Variants in TUBD1 observed in about 807,000 individuals in gnomAD.
TUBD1 encodes tubulin delta 1, also known as tubulin delta chain.
Under a neutral mutation model 51.2 loss-of-function variants are expected in TUBD1, and 38 were observed. The observed-to-expected ratio is 0.74, with a 90% CI of 0.57 to 0.97. The LOEUF (loss-of-function observed/expected upper bound fraction) is 0.97. Ranked by LOEUF, TUBD1 falls within the 50% of genes least tolerant of loss-of-function variation. TUBD1 has a pLI of 0.00. For synonymous variants in TUBD1, 169 were observed against 178.2 expected, an observed-to-expected ratio of 0.95 and a Z score of 0.41; for missense variants, 489 against 538.4, an observed-to-expected ratio of 0.91 and a Z score of 0.91.
intron 3 of TUBD1, among the ~76,000 whole-genome samples, chr17:59,883,083 C>T (rs562470944): frequency 6.6e-6 from 1 of 151,948 alleles, no homozygotes; most frequent in Admixed American, 6.6e-5. Context: ...CCATACCCAG[C>T]CGCCCGGCTA....
chr17:59,873,247 T>TG lies in TUBD1; in HGVS notation c.934+1291_934+1292insC, dbSNP rs1259852865. ...CATACCAGACATTACTTAAGTTGTT[T>TG]TTTGTTGTTGTTTTTTTTTTGAGAA... On this transcript the variant is annotated intron_variant, in intron 6 of 8. Transcript: ENST00000325752. 3.7e-5 allele frequency among the ~76,000 whole-genome samples: 5 copies of TG among 134,320 alleles called. No homozygotes were observed. In the East Asian group the frequency reaches 1.2e-3, roughly 31 times the overall value. 88.1% of individuals were successfully genotyped at this position (134,320 alleles called of 152,430 possible). A position where few individuals can be genotyped will look rare whatever the true frequency, so the allele number is the denominator to read the frequency against.
rs1427064377 is a variant in TUBD1, at chr17:59,860,217, C to T, written c.*105G>A. ...TTTTCTGGTAGAGACGGTGTTTCAC[C>T]GTGTTAGCCAGGATGGAGAACTTTG... On this transcript the variant is annotated 3_prime_UTR_variant, in exon 9 of 9. Transcript: ENST00000325752. The T allele has an allele frequency of 3.6e-6, 3 of 827,186 alleles. No individual in the cohort carries two copies. Among genetic ancestry groups the T allele is most frequent in the African/African-American group, 3.6e-5 (2 of 56,318 alleles). The allele number at this position is 827,186 out of a possible 1,614,324, so 51.2% of individuals were successfully genotyped here.
intron 8 of TUBD1, among the ~76,000 whole-genome samples, chr17:59,862,813 C>A (rs1205525200): frequency 1.3e-5 from 2 of 150,144 alleles, no homozygotes; most frequent in Non-Finnish European, 3.0e-5. Flanking sequence ...CAAGCTCCGC[C>A]TCCCGGGTTC....
intron 8 of TUBD1, among the ~76,000 whole-genome samples, chr17:59,861,223 T>C (rs1418974947): frequency 6.6e-6 from 1 of 151,372 alleles, no homozygotes; most frequent in Admixed American, 6.6e-5. Flanking sequence ...GACAGGGTTT[T>C]GCTCTGTCTC....
intron 1 of TUBD1, among the ~76,000 whole-genome samples, chr17:59,892,190 A>C (rs2041119695): frequency 6.6e-6 from 1 of 152,130 alleles, no homozygotes; most frequent in Non-Finnish European, 1.5e-5. Flanking sequence ...TGTAAGAAAG[A>C]TTTTGTGTTT....
Position 59,874,720 on chromosome 17 carries a change from AT to A in TUBD1, c.770-18del, listed in dbSNP as rs1408637363. ...TTAAGTCTCCTGTAAAGAAAAAAAA[AT>A]CTGAACTAATTTTTTTTTATTCTAC... is the stretch of plus-strand genomic sequence containing the variant. On this transcript the variant is annotated intron_variant, in intron 5 of 8. Transcript: ENST00000325752. 2.5e-6 allele frequency: 4 copies of A among 1,595,332 alleles called. No individual in the cohort carries two copies. The African/African-American group carries it at 4.1e-5, about 16-fold the overall frequency.
chr17:59,867,825 G>T (rs997603915), intron 6 of TUBD1, among the ~76,000 whole-genome samples: 1 of 152,052 alleles, frequency 6.6e-6, no homozygotes, highest in Non-Finnish European at 1.5e-5. Flanking sequence ...ACAGCGCAGA[G>T]AACAGTAGTC....
At chr17:59,884,078 T>A (rs113109428) in intron 3 of TUBD1, among the ~76,000 whole-genome samples, 12 of 151,492 alleles carry the variant, frequency 7.9e-5, no homozygotes, top group Non-Finnish European at 1.2e-4. Flanking sequence ...CTGGCCAACA[T>A]AGGGAAATCC....
rs144613848 is a variant in TUBD1, at chr17:59,862,004, T to C, written c.1260-1580A>G. On this transcript the variant is annotated intron_variant, in intron 8 of 8. Transcript: ENST00000325752. ...ATGGAATGGTCACATGCAGGATGGC[T>C]GGGCCCTGGGGTATCCGAGCTAATG... Among the ~76,000 whole-genome samples the C allele has an allele frequency of 1.7e-4, 26 of 150,934 alleles. No homozygotes were observed. In the East Asian group the frequency reaches 2.8e-3, roughly 16 times the overall value.
chr17:59,861,692 G>C (rs2039452762), intron 8 of TUBD1, among the ~76,000 whole-genome samples: 2 of 151,632 alleles, frequency 1.3e-5, no homozygotes. Flanking sequence ...TTTTGAGACA[G>C]AGTTTTGCAC....
intron 2 of TUBD1, among the ~76,000 whole-genome samples, chr17:59,887,576 G>A (rs1367212411): frequency 6.6e-6 from 1 of 152,096 alleles, no homozygotes. Flanking sequence ...AAGCAGGTAG[G>A]GCTCAATCTT....
In TUBD1 at chr17:59,859,657, T is replaced by G. The variant is rs1006958962; in HGVS notation, c.*665A>C. On this transcript the variant is annotated 3_prime_UTR_variant, in exon 9 of 9. Coordinates refer to ENST00000325752, the MANE Select transcript of TUBD1 (RefSeq NM_016261.4). ...AGCATTCATTTCAAACATGAATATATTAAGTACAGAATTACAATTCCTTAG... is the reference window on the plus strand; with the variant it reads ...AGCATTCATTTCAAACATGAATATAGTAAGTACAGAATTACAATTCCTTAG... 6.6e-6 allele frequency: 1 copy of G among 152,636 alleles called. No homozygotes were observed. Among genetic ancestry groups the G allele is most frequent in the Non-Finnish European group, 1.5e-5 (1 of 68,046 alleles). 9.5% of individuals were successfully genotyped at this position (152,636 alleles called of 1,614,324 possible). A position where few individuals can be genotyped will look rare whatever the true frequency, so the allele number is the denominator to read the frequency against.
chr17:59,864,664 A>T (rs1021078934), intron 7 of TUBD1, among the ~76,000 whole-genome samples: 2 of 151,414 alleles, frequency 1.3e-5, no homozygotes, highest in African/African-American at 4.9e-5. Context: ...ACCATGCCTA[A>T]TATTTTTATT....
chr17:59,873,259 T>TG (rs201574199), intron 6 of TUBD1, among the ~76,000 whole-genome samples: 28,869 of 150,538 alleles, frequency 0.19, 2,945 homozygotes, highest in East Asian at 0.39. Context: ...TTGTTGTTGT[T>TG]TTTTTTTTGA....
At chr17:59,865,531 G>A (rs948249802) in intron 7 of TUBD1, among the ~76,000 whole-genome samples, 1 of 152,176 alleles carries the variant, frequency 6.6e-6, no homozygotes, top group Non-Finnish European at 1.5e-5. Context: ...AGTGAGCTGA[G>A]ATTACACCAC....
chr17:59,890,585 T>G (rs1473846511), intron 2 of TUBD1, among the ~76,000 whole-genome samples: 1 of 152,168 alleles, frequency 6.6e-6, no homozygotes, highest in Non-Finnish European at 1.5e-5. Flanking sequence ...GGCAAAGAGA[T>G]AAGAAGAAGA....
intron 4 of TUBD1, among the ~76,000 whole-genome samples, chr17:59,880,325 G>A (rs1168544140): frequency 6.6e-6 from 1 of 151,876 alleles, no homozygotes; most frequent in Non-Finnish European, 1.5e-5. Flanking sequence ...CCAAAGTGCT[G>A]GGATTACAGG....
chr17:59,861,631 C>T (rs1037593154), intron 8 of TUBD1, among the ~76,000 whole-genome samples: 2 of 152,026 alleles, frequency 1.3e-5, no homozygotes, highest in African/African-American at 4.8e-5. Context: ...CAGAAGAGGA[C>T]AGACTTCATG....
At chr17:59,886,321 C>CAA in intron 2 of TUBD1, 91 bp from the exon 3 acceptor site, 8 of 1,143,228 alleles carry the variant, frequency 7.0e-6, no homozygotes, top group Admixed American at 7.1e-5. Flanking sequence ...GTGTCCAAAT[C>CAA]CAAAAAAAAA....
Sources: gnomAD v4.1 joint callset for allele counts (sites outside exome capture counted in the v4.1 genomes callset) on GRCh38, gnomAD v4.1.1 for gene constraint, MANE v1.5 for transcripts, NCBI Gene and HGNC (gene_info 2026-07-23, HGNC 2026-07-21) for gene names.